COMMD1: variants seen among roughly 807,000 people sequenced by gnomAD.
COMMD1 encodes the protein COMM domain-containing protein 1.
In COMMD1, 10 loss-of-function variants were observed where a neutral mutation model predicts 17.2. That is an observed-to-expected ratio of 0.58 (90% CI 0.36 to 0.99). The LOEUF (loss-of-function observed/expected upper bound fraction) is 0.99, where lower values mean the gene tolerates loss of function less well. Ranked by LOEUF, COMMD1 falls within the 50% of genes least tolerant of loss-of-function variation. COMMD1 has a pLI of 0.01. For missense variants in COMMD1, 270 were observed against 231.8 expected (o/e 1.17, Z -1.07); for synonymous variants, 97 against 91.6 (o/e 1.06, Z -0.34).
intron 1 of COMMD1, among the ~76,000 whole-genome samples, chr2:61,974,383 A>AT (rs1015207704): frequency 1.3e-5 from 2 of 151,330 alleles, no homozygotes; most frequent in African/African-American, 2.4e-5. Flanking sequence ...ATCTATTAAT[A>AT]TTTTTTTTGG....
At chr2:62,027,397 C>G (rs896494648) in intron 2 of COMMD1, among the ~76,000 whole-genome samples, 1 of 152,044 alleles carries the variant, frequency 6.6e-6, no homozygotes, top group African/African-American at 2.4e-5. Context: ...ATTATTCTAC[C>G]AAGAAAAATT....
At chr2:61,981,430 T>C (rs959114182) in intron 1 of COMMD1, among the ~76,000 whole-genome samples, 1 of 152,160 alleles carries the variant, frequency 6.6e-6, no homozygotes, top group Non-Finnish European at 1.5e-5. Flanking sequence ...TTTTGGCACT[T>C]TTGTCGAAAA....
chr2:62,084,429 T>C (rs1198139490), intron 2 of COMMD1, among the ~76,000 whole-genome samples: 1 of 152,198 alleles, frequency 6.6e-6, no homozygotes, highest in Non-Finnish European at 1.5e-5. Context: ...ATATATTTAC[T>C]ATTCATTAAC....
chr2:62,051,042 A>G (rs999644845), intron 2 of COMMD1, among the ~76,000 whole-genome samples: 1 of 152,188 alleles, frequency 6.6e-6, no homozygotes, highest in Admixed American at 6.5e-5. Context: ...ATTTACTTGT[A>G]TTAGTTCAGA....
chr2:62,070,084 T>A (rs1184518800), intron 2 of COMMD1: 2 of 152,220 alleles, frequency 1.3e-5, no homozygotes, highest in Non-Finnish European at 2.9e-5. Context: ...TCCCAGGCCA[T>A]CTTCATTTCT....
chr2:62,101,453 T>G (rs989640222), intron 2 of COMMD1, among the ~76,000 whole-genome samples: 2 of 151,848 alleles, frequency 1.3e-5, no homozygotes, highest in African/African-American at 4.8e-5. Flanking sequence ...TACAAAAAAT[T>G]TAAAAAATTA....
At chr2:61,951,559 T>A (rs1350933609) in intron 1 of COMMD1, among the ~76,000 whole-genome samples, 1 of 152,200 alleles carries the variant, frequency 6.6e-6, no homozygotes, top group African/African-American at 2.4e-5. Flanking sequence ...GGTGCCCTAA[T>A]ATTGAAATCT....
chr2:62,105,094 C>T (rs1298478814), intron 2 of COMMD1, among the ~76,000 whole-genome samples: 1 of 147,546 alleles, frequency 6.8e-6, no homozygotes, highest in African/African-American at 2.5e-5. Flanking sequence ...CATTGCACTC[C>T]AGCCTGGGCA....
chr2:61,965,573 A>G (rs116671445), intron 1 of COMMD1, among the ~76,000 whole-genome samples: 2,732 of 152,274 alleles, frequency 0.018, 53 homozygotes, highest in African/African-American at 0.041. Context: ...ATCACGACCA[A>G]CTCTTTCTAA....
intron 1 of COMMD1, among the ~76,000 whole-genome samples, chr2:61,930,933 A>G (rs1572973736): frequency 6.6e-6 from 1 of 152,164 alleles, no homozygotes; most frequent in Non-Finnish European, 1.5e-5. Flanking sequence ...CAGTGGCTCC[A>G]TAGCCAATTA....
rs542566142 is a variant in COMMD1 at position 61,922,212 on chromosome 2, A to T, written c.180+16354A>T. Among the ~76,000 whole-genome samples the T allele has an allele frequency of 2.0e-5, 3 of 152,352 alleles. No homozygotes were observed. The East Asian group carries it at 5.8e-4, about 29-fold the overall frequency. ...GTTTTGGAGAAATCTGGGCCAATGC[A>T]GGGAAGATTCTAAAGATTTACGCTA... On this transcript the variant is annotated intron_variant, in intron 1 of 2. Coordinates refer to ENST00000311832, the MANE Select transcript of COMMD1 (RefSeq NM_152516.4).
intron 2 of COMMD1, among the ~76,000 whole-genome samples, chr2:62,057,913 A>G (rs1670753891): frequency 1.3e-5 from 2 of 152,016 alleles, no homozygotes; most frequent in South Asian, 2.1e-4. Context: ...TTCTTGACCC[A>G]TGGTTTATTT....
chr2:62,133,894 C>A (rs1174919605), intron 2 of COMMD1, among the ~76,000 whole-genome samples: 2 of 152,146 alleles, frequency 1.3e-5, no homozygotes, highest in African/African-American at 2.4e-5. Context: ...TGGGTTCAAG[C>A]AATCCTCCCA....
intron 2 of COMMD1, among the ~76,000 whole-genome samples, chr2:62,095,875 A>G (rs1671993886): frequency 6.9e-6 from 1 of 144,618 alleles, no homozygotes; most frequent in African/African-American, 2.6e-5. Context: ...GTGTATATAT[A>G]CACATACACA....
intron 2 of COMMD1, among the ~76,000 whole-genome samples, chr2:62,083,088 A>T (rs981214281): frequency 6.6e-6 from 1 of 152,016 alleles, no homozygotes; most frequent in South Asian, 2.1e-4. Flanking sequence ...CTGAGACCCC[A>T]TCTCTACAAA....
intron 1 of COMMD1, among the ~76,000 whole-genome samples, chr2:61,943,570 C>G (rs1057215778): frequency 6.6e-6 from 1 of 152,178 alleles, no homozygotes; most frequent in Non-Finnish European, 1.5e-5. Flanking sequence ...TGCCTTGGGT[C>G]ACGCCTGTAA....
chr2:62,028,398 T>A (rs1178064052), intron 2 of COMMD1, among the ~76,000 whole-genome samples: 6 of 151,744 alleles, frequency 4.0e-5, no homozygotes, highest in Non-Finnish European at 7.4e-5. Context: ...ACATTATTTT[T>A]TAAAAAAATA....
upstream of COMMD1, among the ~76,000 whole-genome samples, chr2:61,903,443 CAAA>C (rs773444105): frequency 1.8e-5 from 2 of 109,998 alleles, no homozygotes; most frequent in Admixed American, 9.4e-5. Flanking sequence ...AACTTTGTCT[CAAA>C]AAAAAAAAAA....
At chr2:62,083,571 G>C (rs1371718975) in intron 2 of COMMD1, among the ~76,000 whole-genome samples, 2 of 152,206 alleles carry the variant, frequency 1.3e-5, no homozygotes, top group Non-Finnish European at 2.9e-5. Flanking sequence ...GTCTAAGTCA[G>C]TGTTCTTATA....
Sources: allele counts gnomAD v4.1 joint callset (sites outside exome capture counted in the v4.1 genomes callset), GRCh38; gene constraint gnomAD v4.1.1; transcripts MANE v1.5; gene names NCBI Gene and HGNC (gene_info 2026-07-23, HGNC 2026-07-21).